Variants in PRPSAP2 observed in about 807,000 individuals in gnomAD.
The protein encoded by PRPSAP2 is phosphoribosyl pyrophosphate synthase-associated protein 2.
PRPSAP2 carries 24 observed loss-of-function variants against 40.6 expected under a neutral mutation model. The observed-to-expected ratio is 0.59, with a 90% confidence interval of 0.43 to 0.83. PRPSAP2 has a LOEUF of 0.83. PRPSAP2 is among the 40% of genes least tolerant of loss of function. The pLI, the probability that PRPSAP2 is intolerant of heterozygous loss-of-function variation, is 0.00. For missense variants in PRPSAP2, 292 were observed against 465.6 expected (o/e 0.63, Z 3.43); for synonymous variants, 149 against 164.7 (o/e 0.90, Z 0.73).
chr17:18,880,011 G>C (rs777686133), intron 6 of PRPSAP2, among the ~76,000 whole-genome samples: 1 of 152,086 alleles, frequency 6.6e-6, no homozygotes, highest in Non-Finnish European at 1.5e-5. Flanking sequence ...CAGGAGAATT[G>C]CTTGAACCCG....
intron 10 of PRPSAP2, among the ~76,000 whole-genome samples, chr17:18,926,590 G>A (rs184553375): frequency 6.6e-6 from 1 of 152,182 alleles, no homozygotes; most frequent in African/African-American, 2.4e-5. Context: ...TTAAAAAAAC[G>A]TTTTTATTTT....
chr17:18,896,334 AT>A (rs1567713744), intron 8 of PRPSAP2, among the ~76,000 whole-genome samples: 1 of 152,124 alleles, frequency 6.6e-6, no homozygotes, highest in Non-Finnish European at 1.5e-5. Context: ...ATTTCCTGAA[AT>A]GCCTTGAAGC....
chr17:18,875,525 A>G (rs1471279102), intron 5 of PRPSAP2, among the ~76,000 whole-genome samples: 2 of 151,878 alleles, frequency 1.3e-5, no homozygotes, highest in East Asian at 1.9e-4. Flanking sequence ...AGATCACGCC[A>G]CTGGATTCCA....
intron 1 of PRPSAP2, among the ~76,000 whole-genome samples, chr17:18,860,902 C>A (rs1293725229): frequency 6.6e-6 from 1 of 152,126 alleles, no homozygotes; most frequent in East Asian, 1.9e-4. Context: ...TGCTAAGATT[C>A]TCTGAAAACG....
intron 9 of PRPSAP2, among the ~76,000 whole-genome samples, chr17:18,918,182 T>C (rs1355435902): frequency 6.6e-6 from 1 of 152,156 alleles, no homozygotes; most frequent in Non-Finnish European, 1.5e-5. Flanking sequence ...GAAGGCCATC[T>C]GGGCAGGGGT....
intron 9 of PRPSAP2, among the ~76,000 whole-genome samples, chr17:18,913,521 T>TTGA (rs1244297381): frequency 6.6e-6 from 1 of 151,174 alleles, no homozygotes; most frequent in Non-Finnish European, 1.5e-5. Context: ...AGTCACTGTC[T>TTGA]TGATGAATAG....
intron 9 of PRPSAP2, among the ~76,000 whole-genome samples, chr17:18,920,948 G>A (rs1414155211): frequency 6.6e-6 from 1 of 151,996 alleles, no homozygotes; most frequent in Non-Finnish European, 1.5e-5. Context: ...CCAGCTGCCC[G>A]ACGTGTCATC....
intron 8 of PRPSAP2, among the ~76,000 whole-genome samples, chr17:18,894,309 G>A (rs958516239): frequency 9.2e-5 from 14 of 151,714 alleles, no homozygotes; most frequent in Admixed American, 3.9e-4. Context: ...ACAGGCATGC[G>A]CCACCACGCC....
chr17:18,877,131 G>A (rs1040452243), intron 5 of PRPSAP2, among the ~76,000 whole-genome samples: 2 of 152,232 alleles, frequency 1.3e-5, no homozygotes, highest in Non-Finnish European at 2.9e-5. Flanking sequence ...TGGAAGCCAA[G>A]TGACCGTGGA....
At chr17:18,861,472 A>AAG (rs1236437506) in intron 1 of PRPSAP2, 1 of 151,746 alleles carries the variant, frequency 6.6e-6, no homozygotes, top group African/African-American at 2.4e-5. Context: ...CTTAAAAAAA[A>AAG]AAAAAAGAAA....
At chr17:18,899,132 G>A (rs1250190469) in intron 8 of PRPSAP2, among the ~76,000 whole-genome samples, 3 of 152,152 alleles carry the variant, frequency 2.0e-5, no homozygotes, top group East Asian at 1.9e-4. Context: ...TTGAACTTCC[G>A]ACCTCAGGTG....
At position 18,925,798 on chromosome 17, in the gene PRPSAP2, C is replaced by T. The variant is rs192662581; in HGVS notation, c.804+1814C>T. 8.5e-5 allele frequency among the ~76,000 whole-genome samples: 13 copies of T among 152,248 alleles called. No homozygotes were observed. In the East Asian group the frequency reaches 9.6e-4, roughly 11 times the overall value. On this transcript the variant is annotated intron_variant, in intron 10 of 11. Transcript: ENST00000268835. ...ATCCCCAGTGCTTGATAATTTTGTA[C>T]GCACCCTTTTCAGGTTAGAAAATCT...
intron 6 of PRPSAP2, among the ~76,000 whole-genome samples, chr17:18,881,024 G>A (rs1383003187): frequency 6.6e-6 from 1 of 151,182 alleles, no homozygotes; most frequent in Admixed American, 6.6e-5. Context: ...AGTAGAGACG[G>A]GGTTTCACCG....
At chr17:18,929,974 C>T (rs2042172418) in intron 11 of PRPSAP2, among the ~76,000 whole-genome samples, 1 of 152,106 alleles carries the variant, frequency 6.6e-6, no homozygotes, top group Admixed American at 6.6e-5. Context: ...ATTCCCACAG[C>T]CGTGAGTTGG....
At chr17:18,917,140 C>A (rs2041364615) in intron 9 of PRPSAP2, among the ~76,000 whole-genome samples, 1 of 151,936 alleles carries the variant, frequency 6.6e-6, no homozygotes, top group African/African-American at 2.4e-5. Flanking sequence ...AAAAATGCCA[C>A]CTTCGAGTTG....
At chr17:18,896,231 G>C (rs920111559) in intron 8 of PRPSAP2, among the ~76,000 whole-genome samples, 1 of 152,178 alleles carries the variant, frequency 6.6e-6, no homozygotes, top group Non-Finnish European at 1.5e-5. Flanking sequence ...TGGCCACCCT[G>C]TGCCAATTCT....
At chr17:18,914,481 A>AACT (rs1308493254) in intron 9 of PRPSAP2, among the ~76,000 whole-genome samples, 3 of 151,160 alleles carry the variant, frequency 2.0e-5, no homozygotes, top group Admixed American at 6.6e-5. Context: ...GTTGGTCACA[A>AACT]ACTCTTGGGC....
At chr17:18,886,415 G>A (rs536499278) in intron 7 of PRPSAP2, among the ~76,000 whole-genome samples, 47 of 151,986 alleles carry the variant, frequency 3.1e-4, no homozygotes, top group Middle Eastern at 3.4e-3. Context: ...GAGTGCAGTG[G>A]CGCAATCTCA....
At chr17:18,864,732 CTG>C (rs953741907) in intron 1 of PRPSAP2, 7 of 152,268 alleles carry the variant, frequency 4.6e-5, no homozygotes, top group African/African-American at 1.7e-4. Context: ...GAACATACAA[CTG>C]TGGAAATGCA....
Sources: gnomAD v4.1 joint callset for allele counts (sites outside exome capture counted in the v4.1 genomes callset) on GRCh38, gnomAD v4.1.1 for gene constraint, MANE v1.5 for transcripts, NCBI Gene and HGNC (gene_info 2026-07-23, HGNC 2026-07-21) for gene names.